HIP1: variants seen among roughly 807,000 people sequenced by gnomAD.
HIP1 encodes huntingtin interacting protein 1.
In HIP1, 65 loss-of-function variants were observed where a neutral mutation model predicts 147.6. That is an observed-to-expected ratio of 0.44 (90% CI 0.36 to 0.54). The LOEUF (loss-of-function observed/expected upper bound fraction) is 0.54. Among genes scored for constraint, HIP1 ranks in the 20% least tolerant of loss-of-function variants. The probability of loss-of-function intolerance (pLI) is 0.00; values close to 1 mark genes in which losing one functional copy is unlikely to be tolerated. For synonymous variants in HIP1, 479 were observed against 504.0 expected (o/e 0.95, Z 0.67); for missense variants, 1,061 against 1,299.6 (o/e 0.82, Z 2.82).
In HIP1 at chr7:75,630,727, A is replaced by T. The variant is rs587688485; in HGVS notation, c.121-31480T>A. Among the ~76,000 whole-genome samples the T allele has an allele frequency of 4.6e-5, 7 of 152,168 alleles. No individual in the cohort carries two copies. In the South Asian group the frequency reaches 1.5e-3, roughly 32 times the overall value. The stretch of plus-strand genomic sequence containing the variant: ...AACCCCACCTTCTCCAGGCTGACAC[A>T]TGCCCCATCCTTTGTGCATTGCACC... On this transcript the variant is annotated intron_variant, in intron 1 of 30. Transcript: ENST00000336926.
intron 1 of HIP1, among the ~76,000 whole-genome samples, chr7:75,712,313 G>A (rs920031131): frequency 2.0e-5 from 3 of 152,138 alleles, no homozygotes; most frequent in Admixed American, 2.0e-4. Context: ...GATTTCCTGT[G>A]GCAAAAAGTT....
intron 20 of HIP1, 94 bp downstream of exon 20, chr7:75,554,346 T>C: frequency 7.7e-7 from 1 of 1,300,086 alleles, no homozygotes; most frequent in Non-Finnish European, 1.1e-6. Context: ...CCTTTCTTGA[T>C]GCAGAGGGAC....
intron 9 of HIP1, among the ~76,000 whole-genome samples, chr7:75,564,425 G>T (rs1055033597): frequency 4.6e-5 from 7 of 152,048 alleles, no homozygotes; most frequent in Admixed American, 3.3e-4. Flanking sequence ...CTGCTGAGTT[G>T]CTGGGATTAC....
chr7:75,565,901 A>G (rs912713499), intron 9 of HIP1, among the ~76,000 whole-genome samples: 2 of 145,646 alleles, frequency 1.4e-5, no homozygotes, highest in East Asian at 3.9e-4. Context: ...TACAGTAGAG[A>G]CAGGGTTTCA....
At chr7:75,694,502 TTTC>T (rs1285819494) in intron 1 of HIP1, among the ~76,000 whole-genome samples, 2 of 132,634 alleles carry the variant, frequency 1.5e-5, no homozygotes, top group Non-Finnish European at 3.1e-5. Context: ...CTTTTCTTTC[TTTC>T]TTTTTTTTTT....
At chr7:75,543,434 C>T (rs587763636) in intron 27 of HIP1, among the ~76,000 whole-genome samples, 1 of 152,208 alleles carries the variant, frequency 6.6e-6, no homozygotes, top group Admixed American at 6.6e-5. Context: ...TCACTGCAAC[C>T]TCCACCTCCC....
At chr7:75,552,115 T>C (rs1794807443) in intron 22 of HIP1, among the ~76,000 whole-genome samples, 1 of 152,116 alleles carries the variant, frequency 6.6e-6, no homozygotes, top group African/African-American at 2.4e-5. Context: ...GGTCTAGAAC[T>C]CCTGACCTCA....
chr7:75,647,322 C>G (rs1426939525), intron 1 of HIP1, among the ~76,000 whole-genome samples: 4 of 150,700 alleles, frequency 2.7e-5, no homozygotes, highest in Non-Finnish European at 4.4e-5. Flanking sequence ...CGCTTGAACC[C>G]AGGAAGCAAA....
At chr7:75,653,353 A>G (rs1554512231) in intron 1 of HIP1, among the ~76,000 whole-genome samples, 1 of 152,100 alleles carries the variant, frequency 6.6e-6, no homozygotes, top group Admixed American at 6.6e-5. Flanking sequence ...CAGTGTGTCT[A>G]TTAATAAAAT....
chr7:75,539,888 A>G (rs1006652126), intron 29 of HIP1, among the ~76,000 whole-genome samples: 15 of 152,162 alleles, frequency 9.9e-5, no homozygotes, highest in African/African-American at 3.6e-4. Flanking sequence ...CTATCTAAAA[A>G]CAACTCTAAT....
intron 8 of HIP1, among the ~76,000 whole-genome samples, chr7:75,569,977 C>T (rs1168208122): frequency 2.0e-5 from 3 of 151,756 alleles, no homozygotes; most frequent in Non-Finnish European, 4.4e-5. Context: ...ACTCTGTTGC[C>T]AGGCTGGAGG....
At chr7:75,596,042 A>C (rs1456203211) in intron 2 of HIP1, among the ~76,000 whole-genome samples, 1 of 152,042 alleles carries the variant, frequency 6.6e-6, no homozygotes, top group African/African-American at 2.4e-5. Context: ...GGAGTTCAAG[A>C]CCAGCCTGGG....
chr7:75,730,586 G>T (rs562177529), intron 1 of HIP1, among the ~76,000 whole-genome samples: 2 of 151,852 alleles, frequency 1.3e-5, no homozygotes, highest in Non-Finnish European at 2.9e-5. Context: ...TGATCCACCC[G>T]CCTCGGCCTC....
intron 1 of HIP1, among the ~76,000 whole-genome samples, chr7:75,679,970 C>T (rs1800010644): frequency 6.6e-6 from 1 of 152,222 alleles, no homozygotes; most frequent in Non-Finnish European, 1.5e-5. Context: ...TAGAAATAGC[C>T]TGTGACTAGC....
At chr7:75,554,073 C>A in intron 21 of HIP1, 40 bp downstream of exon 21, 1 of 1,502,018 alleles carries the variant, frequency 6.7e-7, no homozygotes, top group East Asian at 2.3e-5. Context: ...GCCCCCTGCT[C>A]CCCTGGTCCA....
chr7:75,672,738 C>A (rs542995071), intron 1 of HIP1, among the ~76,000 whole-genome samples: 1 of 152,140 alleles, frequency 6.6e-6, no homozygotes, highest in African/African-American at 2.4e-5. Flanking sequence ...ATTTAAGAAG[C>A]CATTGCTTAA....
intron 1 of HIP1, among the ~76,000 whole-genome samples, chr7:75,609,611 G>A (rs1797354202): frequency 6.6e-6 from 1 of 150,416 alleles, no homozygotes; most frequent in African/African-American, 2.4e-5. Flanking sequence ...AGGCTGCAGT[G>A]CAGTGGCGCA....
chr7:75,692,142 C>T (rs540907296), intron 1 of HIP1, among the ~76,000 whole-genome samples: 5 of 152,298 alleles, frequency 3.3e-5, no homozygotes, highest in East Asian at 1.9e-4. Context: ...TTGTCTCCCC[C>T]CGTCCCAATT....
At chr7:75,589,281 T>C (rs1554500201) in intron 4 of HIP1, among the ~76,000 whole-genome samples, 1 of 151,260 alleles carries the variant, frequency 6.6e-6, no homozygotes, top group Non-Finnish European at 1.5e-5. Context: ...AAGGCTAGAG[T>C]TGATAAAAAT....
Sources: allele counts gnomAD v4.1 joint callset (sites outside exome capture counted in the v4.1 genomes callset), GRCh38; gene constraint gnomAD v4.1.1; transcripts MANE v1.5; gene names NCBI Gene and HGNC (gene_info 2026-07-23, HGNC 2026-07-21).